The following CARS2 variants were observed in gnomAD, a reference collection of about 807,000 sequenced individuals.
CARS2 encodes cysteinyl-tRNA synthetase 2, mitochondrial.
CARS2 carries 52 observed loss-of-function variants against 68.8 expected under a neutral mutation model. The observed-to-expected ratio is 0.76, with a 90% CI of 0.61 to 0.95. The LOEUF (loss-of-function observed/expected upper bound fraction) is 0.95, where lower values mean the gene tolerates loss of function less well. Ranked by LOEUF, CARS2 falls within the 40% of genes least tolerant of loss-of-function variation. The pLI is 0.00. For missense variants in CARS2, 780 were observed against 754.2 expected (o/e 1.03, Z -0.40); for synonymous variants, 314 against 303.6 (o/e 1.03, Z -0.36).
At chr13:110,682,998 T>G in intron 6 of CARS2, 53 bp downstream of exon 6, 1 of 1,325,444 alleles carries the variant, frequency 7.5e-7, no homozygotes, top group Non-Finnish European at 1.1e-6. Flanking sequence ...TCCCCAGAGC[T>G]GAGACCCGAG....
At chr13:110,652,596 A>G (rs758822098) in intron 9 of CARS2, among the ~76,000 whole-genome samples, 2 of 152,178 alleles carry the variant, frequency 1.3e-5, no homozygotes, top group Non-Finnish European at 2.9e-5. Context: ...CCTTCAGAGG[A>G]TGGAGCAGGT....
intron 6 of CARS2, among the ~76,000 whole-genome samples, chr13:110,679,586 AGAAAGAAAGAAAG>A: frequency 9.6e-5 from 1 of 10,428 alleles, no homozygotes; most frequent in Non-Finnish European, 6.0e-4. Flanking sequence ...AAAGAAAGAA[AGAAAGAAAGAAAG>A]AGAGAGAGAG....
At chr13:110,664,756 T>C (rs1156529993) in intron 8 of CARS2, 1 of 564,482 alleles carries the variant, frequency 1.8e-6, no homozygotes, top group Non-Finnish European at 2.2e-6. Flanking sequence ...AGGCAGGGCC[T>C]GTGGGAGGTG....
rs866126854 is a variant in CARS2 at position 110,705,539 on chromosome 13, G to A, written c.257C>T (p.Ala86Val). The A allele has an allele frequency of 6.2e-7, 1 of 1,608,442 alleles. No homozygotes were observed. Among genetic ancestry groups the A allele is most frequent in the East Asian group, 2.2e-5 (1 of 44,596 alleles). Residue 86 changes from alanine (A) to valine (V), a missense_variant, in exon 2 of 15, where the codon GCG (alanine) becomes GTG (valine). Coordinates refer to ENST00000257347, the MANE Select transcript of CARS2 (RefSeq NM_024537.4). The surrounding 1 kb of genome is among the most constrained non-coding windows in gnomAD (Gnocchi z 4.0). ...AACTCACCAAGCATGGCCAAGGTGC[G>A]CATGATCATATACAGTTGGTCCACA... ...YSCGPTVYDH[A>V]HLGHACSYVR...
intron 9 of CARS2, among the ~76,000 whole-genome samples, chr13:110,651,578 G>A (rs1346881673): frequency 2.0e-5 from 3 of 152,244 alleles, no homozygotes; most frequent in East Asian, 3.8e-4. Flanking sequence ...AGGGGCGACA[G>A]CCTCACTCAT....
chr13:110,712,745 A>T, intron 1 of CARS2: 1 of 700,954 alleles, frequency 1.4e-6, no homozygotes, highest in East Asian at 2.7e-5. Flanking sequence ...GCCTCCGAGA[A>T]CGGTGTCCAT....
chr13:110,673,789 T>C (rs1405511059), intron 7 of CARS2, among the ~76,000 whole-genome samples: 1 of 152,084 alleles, frequency 6.6e-6, no homozygotes, highest in African/African-American at 2.4e-5. Context: ...TGTTTGCAGA[T>C]GACATGATTG....
At chr13:110,679,599 G>GAAAGAA (rs1212774128) in intron 6 of CARS2, among the ~76,000 whole-genome samples, 179 of 40,126 alleles carry the variant, frequency 4.5e-3, no homozygotes, top group African/African-American at 0.01. Flanking sequence ...AAGAAAGAAA[G>GAAAGAA]AGAGAGAGAG....
chr13:110,683,039 C>A lies in CARS2; in HGVS notation c.655+12G>T, dbSNP rs564003779. 8.2e-6 allele frequency: 13 copies of A among 1,593,472 alleles called. No homozygotes were observed. The highest frequency in any genetic ancestry group is 3.5e-5 in the Admixed American group (2 of 56,478). ...GGTCAGGGACCCACAGGGCTGAGCC[C>A]GGCCAACCCACCTGGCTCTCCGACT... On this transcript the variant is annotated intron_variant, in intron 6 of 14. Coordinates refer to ENST00000257347, the MANE Select transcript of CARS2 (RefSeq NM_024537.4).
chr13:110,643,086 G>A, intron 13 of CARS2: 1 of 282,972 alleles, frequency 3.5e-6, no homozygotes, highest in South Asian at 3.2e-5. Flanking sequence ...CACAACATTT[G>A]ACCTTGGTGT....
At chr13:110,659,999 T>C (rs1364599292) in intron 9 of CARS2, among the ~76,000 whole-genome samples, 1 of 152,244 alleles carries the variant, frequency 6.6e-6, no homozygotes, top group East Asian at 1.9e-4. Context: ...GCCAATCCTC[T>C]CAAACCCTGC....
At chr13:110,704,706 C>T (rs576024586) in intron 2 of CARS2, among the ~76,000 whole-genome samples, 1 of 152,050 alleles carries the variant, frequency 6.6e-6, no homozygotes, top group South Asian at 2.1e-4. Context: ...CACCACTGCA[C>T]TCCAGCCTGG....
At chr13:110,685,279 C>T (rs1223497764) in intron 5 of CARS2, among the ~76,000 whole-genome samples, 1 of 151,580 alleles carries the variant, frequency 6.6e-6, no homozygotes, top group Non-Finnish European at 1.5e-5. Flanking sequence ...CACTGCACTC[C>T]AGCCTAGGCG....
chr13:110,647,068 G>A lies in CARS2; in HGVS notation c.1193+33C>T, dbSNP rs113959865. 9 of 1,532,974 alleles carry A rather than the reference G, an allele frequency of 5.9e-6. No individual in the cohort carries two copies. In the East Asian group the frequency reaches 2.2e-4, roughly 37 times the overall value. 95.0% of individuals were successfully genotyped at this position (1,532,974 alleles called of 1,614,324 possible). ...GCAGCACCCAGCAGGCCACAGGAGG[G>A]GTGCCACGCCGGGTGCTAGGCGGGC... is the stretch of plus-strand genomic sequence containing the variant. On this transcript the variant is annotated intron_variant, in intron 11 of 14. Coordinates refer to ENST00000257347, the MANE Select transcript of CARS2 (RefSeq NM_024537.4).
chr13:110,674,196 A>G (rs1339443433), intron 7 of CARS2, among the ~76,000 whole-genome samples: 1 of 152,194 alleles, frequency 6.6e-6, no homozygotes, highest in Non-Finnish European at 1.5e-5. Flanking sequence ...TTCTCACAGA[A>G]TTGGAAAAAA....
At position 110,676,121 on chromosome 13, in the gene CARS2, T is replaced by G. The variant is rs2062942391; in HGVS notation, c.785+853A>C. Among the ~76,000 whole-genome samples, 1 of 152,180 alleles carries G rather than the reference T, an allele frequency of 6.6e-6. No homozygotes were observed. Among genetic ancestry groups the G allele is most frequent in the African/African-American group, 2.4e-5 (1 of 41,440 alleles). ...GTGAGCCGAGATCGCACCATTGCAC[T>G]CCAACCTGGGCAAGAAGAGTGAACC... On this transcript the variant is annotated intron_variant, in intron 7 of 14. Transcript: ENST00000257347. This position sits in a 1 kb window ranked among gnomAD's most constrained non-coding sequence, Gnocchi z 4.0.
chr13:110,686,242 C>CTTT (rs60668690), intron 5 of CARS2, among the ~76,000 whole-genome samples: 1 of 136,252 alleles, frequency 7.3e-6, no homozygotes, highest in African/African-American at 2.7e-5. Context: ...GCAACTCACG[C>CTTT]TTTTTTTTTT....
chr13:110,711,882 T>A (rs1269180241), intron 1 of CARS2, among the ~76,000 whole-genome samples: 1 of 152,236 alleles, frequency 6.6e-6, no homozygotes, highest in Non-Finnish European at 1.5e-5. Context: ...CGGTTAATAA[T>A]CTACTCTATA....
chr13:110,692,004 A>AAAT (rs2063476765), intron 3 of CARS2, among the ~76,000 whole-genome samples: 1 of 56,138 alleles, frequency 1.8e-5, no homozygotes, highest in East Asian at 6.0e-4. Flanking sequence ...AAAAAAAAAA[A>AAAT]TATATATATA....
Sources: allele counts gnomAD v4.1 joint callset (sites outside exome capture counted in the v4.1 genomes callset), GRCh38; gene constraint gnomAD v4.1.1; non-coding constraint Gnocchi (gnomAD v3.1); transcripts MANE v1.5; gene names NCBI Gene and HGNC (gene_info 2026-07-23, HGNC 2026-07-21).